STK3: variants seen among roughly 807,000 people sequenced by gnomAD.
STK3 encodes the protein serine/threonine kinase 3, also known as serine/threonine-protein kinase 3.
In STK3, 41 loss-of-function variants were observed where a neutral mutation model predicts 58.0. The observed-to-expected ratio is 0.71, with a 90% CI of 0.55 to 0.92. The LOEUF is 0.92. Among genes scored for constraint, STK3 ranks in the 40% least tolerant of loss-of-function variants. The pLI, the probability that STK3 is intolerant of heterozygous loss-of-function variation, is 0.00. For synonymous variants in STK3, 170 were observed against 191.0 expected (o/e 0.89, Z 0.91); for missense variants, 479 against 602.7 (o/e 0.79, Z 2.15).
chr8:98,923,119 G>A (rs562715379), intron 1 of STK3, among the ~76,000 whole-genome samples: 2 of 152,220 alleles, frequency 1.3e-5, no homozygotes, highest in South Asian at 4.2e-4. Flanking sequence ...TTGATCAAAT[G>A]GAAAGGTTTT....
intron 3 of STK3, among the ~76,000 whole-genome samples, chr8:98,868,180 T>A (rs776711033): frequency 7.9e-5 from 12 of 152,108 alleles, no homozygotes; most frequent in Non-Finnish European, 1.3e-4. Flanking sequence ...AAGAAAACTT[T>A]AAAAAAACAG....
chr8:98,880,416 C>T (rs890277665), downstream of STK3: 4 of 152,178 alleles, frequency 2.6e-5, no homozygotes, highest in Admixed American at 2.0e-4. Context: ...AAACTTTTTC[C>T]CACCAACGTG....
intron 1 of STK3, among the ~76,000 whole-genome samples, chr8:98,824,926 A>T (rs1835153291): frequency 6.6e-6 from 1 of 152,230 alleles, no homozygotes; most frequent in African/African-American, 2.4e-5. Flanking sequence ...TCAATGGACA[A>T]CCTAGATTTG....
the STK3 span, among the ~76,000 whole-genome samples, chr8:98,346,184 C>T: frequency 6.6e-6 from 1 of 151,392 alleles, no homozygotes; most frequent in Admixed American, 6.6e-5. Context: ...ACTCAGGAGG[C>T]TGAGGAGGGA....
chr8:98,618,975 A>ATACGGAACCAAAAAAGAGCC (rs1818017888), intron 6 of STK3, among the ~76,000 whole-genome samples: 1 of 150,140 alleles, frequency 6.7e-6, no homozygotes, highest in African/African-American at 2.5e-5. Context: ...TTTAAAGTTC[A>ATACGGAACCAAAAAAGAGCC]TACGGAACCA....
At chr8:98,549,294 G>T (rs979169102) in intron 8 of STK3, among the ~76,000 whole-genome samples, 27 of 152,086 alleles carry the variant, frequency 1.8e-4, no homozygotes, top group Non-Finnish European at 3.5e-4. Context: ...AAAAATAATA[G>T]CCATCCTAAT....
At chr8:98,760,311 T>C (rs1830540448) in intron 3 of STK3, among the ~76,000 whole-genome samples, 1 of 152,160 alleles carries the variant, frequency 6.6e-6, no homozygotes, top group Non-Finnish European at 1.5e-5. Flanking sequence ...ACTAATTTTT[T>C]TTATTTTTTG....
In STK3 at chr8:98,428,207, G is replaced by T. The variant is rs766014301; in HGVS notation, n.483+5920C>A. ...AGTTCTACTTCGACCGCAACCCTGA[G>T]CTCTTCCCCTACGTGCTGCATTTCT... On this transcript the variant is annotated intron_variant and non_coding_transcript_variant, in intron 3 of 3. Transcript: ENST00000517832. This position sits in a 1 kb window ranked among gnomAD's most constrained non-coding sequence, Gnocchi z 6.7. The T allele has an allele frequency of 6.2e-7, 1 of 1,614,104 alleles. No individual in the cohort carries two copies. Among genetic ancestry groups the T allele is most frequent in the South Asian group, 1.1e-5 (1 of 91,080 alleles).
chr8:98,681,536 T>C (rs936721381), intron 6 of STK3, among the ~76,000 whole-genome samples: 2 of 152,216 alleles, frequency 1.3e-5, no homozygotes, highest in Non-Finnish European at 2.9e-5. Flanking sequence ...GCCAGTCAGA[T>C]GAACTGTATA....
At chr8:98,783,026 A>G (rs1027714251) in intron 1 of STK3, among the ~76,000 whole-genome samples, 13 of 149,262 alleles carry the variant, frequency 8.7e-5, no homozygotes, top group African/African-American at 2.9e-4. Context: ...AAGGAGAGGG[A>G]GAGAGAGAGA....
At chr8:98,893,318 G>A (rs1268309512) in intron 1 of STK3, among the ~76,000 whole-genome samples, 1 of 151,478 alleles carries the variant, frequency 6.6e-6, no homozygotes, top group African/African-American at 2.4e-5. Flanking sequence ...GAACCGAGGA[G>A]GTGGAGGTTG....
chr8:98,863,300 G>A (rs1170186947), intron 3 of STK3, among the ~76,000 whole-genome samples: 2 of 152,122 alleles, frequency 1.3e-5, no homozygotes, highest in African/African-American at 4.8e-5. Context: ...TTTCTTTTAG[G>A]AAGGGCAGTA....
chr8:98,693,474 C>T (rs1159944504), intron 6 of STK3, among the ~76,000 whole-genome samples: 3 of 152,096 alleles, frequency 2.0e-5, no homozygotes, highest in African/African-American at 7.2e-5. Context: ...TAGAGTAAGA[C>T]AACTACAATC....
intron 6 of STK3, among the ~76,000 whole-genome samples, chr8:98,650,256 C>T (rs903503280): frequency 3.3e-5 from 5 of 152,118 alleles, no homozygotes; most frequent in African/African-American, 4.8e-5. Flanking sequence ...AACTAAATAA[C>T]GATAATGATA....
chr8:98,479,198 AAAG>A (rs1177623057), intron 10 of STK3, among the ~76,000 whole-genome samples: 1 of 152,120 alleles, frequency 6.6e-6, no homozygotes, highest in Non-Finnish European at 1.5e-5. Flanking sequence ...GTTAAAAGAC[AAAG>A]AAGCGGCCGG....
At chr8:98,764,191 G>A (rs960177491) in intron 3 of STK3, among the ~76,000 whole-genome samples, 2 of 152,160 alleles carry the variant, frequency 1.3e-5, no homozygotes, top group Admixed American at 6.5e-5. Flanking sequence ...GCTATAAAGT[G>A]GTACAAAAGT....
At chr8:98,372,196 A>C (rs1022383563) in intron 2 of STK3, among the ~76,000 whole-genome samples, 1 of 152,236 alleles carries the variant, frequency 6.6e-6, no homozygotes, top group Non-Finnish European at 1.5e-5. Flanking sequence ...CTTAGAGGGA[A>C]CATGGCTTGC....
intron 6 of STK3, among the ~76,000 whole-genome samples, chr8:98,614,035 A>G (rs1439833402): frequency 6.6e-6 from 1 of 152,212 alleles, no homozygotes; most frequent in African/African-American, 2.4e-5. Flanking sequence ...CAAGCTATAA[A>G]ATATATGAAG....
chr8:98,583,626 G>A (rs1814138010), intron 7 of STK3, among the ~76,000 whole-genome samples: 1 of 152,000 alleles, frequency 6.6e-6, no homozygotes, highest in Non-Finnish European at 1.5e-5. Flanking sequence ...ACAGTTACAT[G>A]GTAATGAAAC....
Sources: gnomAD v4.1 joint callset for allele counts (sites outside exome capture counted in the v4.1 genomes callset) on GRCh38, gnomAD v4.1.1 for gene constraint, Gnocchi (gnomAD v3.1) non-coding constraint, MANE v1.5 for transcripts, NCBI Gene and HGNC (gene_info 2026-07-23, HGNC 2026-07-21) for gene names.